The following SYTL5 variants were observed in gnomAD, a reference collection of about 807,000 sequenced individuals.
SYTL5 encodes synaptotagmin like 5, also known as synaptotagmin-like protein 5.
Under a neutral mutation model 55.9 loss-of-function variants are expected in SYTL5, and 34 were observed. The observed-to-expected ratio is 0.61, with a 90% confidence interval of 0.46 to 0.81. The LOEUF is 0.81. Among genes scored for constraint, SYTL5 ranks in the 30% least tolerant of loss-of-function variants. The pLI, the probability that SYTL5 is intolerant of heterozygous loss-of-function variation, is 0.00. For synonymous variants in SYTL5, 221 were observed against 188.7 expected (o/e 1.17, Z -1.40); for missense variants, 637 against 546.7 (o/e 1.17, Z -1.65).
intron 2 of SYTL5, among the ~76,000 whole-genome samples, chrX:38,039,383 A>G (rs1250219019): frequency 8.9e-6 from 1 of 112,346 alleles, no homozygotes; most frequent in African/African-American, 3.2e-5. Context: ...AAAAATACTG[A>G]CAGTTTCGAA....
chrX:38,084,296 TACGCATCTCTTTA>T (rs1343835147), intron 6 of SYTL5, among the ~76,000 whole-genome samples: 7 of 112,418 alleles, frequency 6.2e-5, no homozygotes, highest in African/African-American at 2.3e-4. Context: ...TACCTCACCC[TACGCATCTCTTTA>T]ACTGTATCTT....
the SYTL5 span, among the ~76,000 whole-genome samples, chrX:37,899,607 T>C: frequency 8.9e-6 from 1 of 111,959 alleles, no homozygotes; most frequent in East Asian, 2.8e-4. Context: ...TATTTGTCCA[T>C]GTCTGAGTTC....
chrX:38,043,666 T>TATATATATATATATATATATAC (rs1935360092), intron 2 of SYTL5, among the ~76,000 whole-genome samples: 1 of 62,525 alleles, frequency 1.6e-5, no homozygotes, highest in Non-Finnish European at 2.7e-5. Context: ...TGTATGTATA[T>TATATATATATATATATATATAC]ATATATATAT....
intron 9 of SYTL5, among the ~76,000 whole-genome samples, chrX:38,097,263 T>C (rs1003256316): frequency 9.1e-6 from 1 of 110,481 alleles, no homozygotes; most frequent in African/African-American, 3.3e-5. Context: ...ATAATTTATA[T>C]CAATATACTA....
At chrX:38,096,014 A>G (rs1936927776) in intron 8 of SYTL5, 120 bp from the exon 9 acceptor site, 3 of 374,911 alleles carry the variant, frequency 8.0e-6, no homozygotes, top group Non-Finnish European at 1.4e-5. Flanking sequence ...CTTTCATGGC[A>G]CTATTTATGA....
the SYTL5 span, among the ~76,000 whole-genome samples, chrX:37,903,143 G>A: frequency 1.6e-4 from 18 of 111,045 alleles, no homozygotes; most frequent in Admixed American, 1.2e-3. Flanking sequence ...TCAGTGTGGC[G>A]ATTCCTCAGG....
chrX:37,918,375 A>G, the SYTL5 span, among the ~76,000 whole-genome samples: 16 of 111,848 alleles, frequency 1.4e-4, no homozygotes, highest in Non-Finnish European at 1.1e-4. Flanking sequence ...CCAAGTCATG[A>G]AAGTTACCCA....
rs1935151630 is a variant in SYTL5, at chrX:38,037,807, TAG to T, written c.119+3801_119+3802del. ...TTTTTCTGATAGATAGATAGATAGATAGATAGATAGATAGATAGATAGATAGA... is the reference window on the plus strand; with the variant it reads ...TTTTTCTGATAGATAGATAGATAGATATAGATAGATAGATAGATAGATAGA... On this transcript the variant is annotated intron_variant, in intron 2 of 16. Coordinates refer to ENST00000297875, the MANE Select transcript of SYTL5 (RefSeq NM_138780.3). Among the ~76,000 whole-genome samples the T allele has an allele frequency of 2.7e-5, 3 of 109,595 alleles. No homozygotes were observed. The Admixed American group carries it at 2.9e-4, about 11-fold the overall frequency.
chrX:37,904,354 A>C, the SYTL5 span, among the ~76,000 whole-genome samples: 2 of 106,472 alleles, frequency 1.9e-5, no homozygotes, highest in Admixed American at 2.0e-4. Context: ...TTGGGAGAGA[A>C]TGCAGAGTGG....
At chrX:37,892,120 G>A in the SYTL5 span, among the ~76,000 whole-genome samples, 4 of 110,989 alleles carry the variant, frequency 3.6e-5, no homozygotes, top group Non-Finnish European at 7.6e-5. Flanking sequence ...TGAATAAATA[G>A]GTCAACTACT....
At chrX:38,049,011 G>A (rs988536404) in intron 2 of SYTL5, among the ~76,000 whole-genome samples, 26 of 111,874 alleles carry the variant, frequency 2.3e-4, no homozygotes, top group Admixed American at 1.3e-3. Flanking sequence ...ATACCACAGT[G>A]TTGATGGCAT....
chrX:38,089,615 T>C (rs763415776), intron 7 of SYTL5, 28 bp downstream of exon 7: 5 of 1,182,014 alleles, frequency 4.2e-6, no homozygotes, highest in Middle Eastern at 2.8e-4. Flanking sequence ...ATGAACACCG[T>C]ATTAGTTCAT....
At position 38,126,925 on chromosome X, in the gene SYTL5, A is replaced by G. The variant is rs912679628; in HGVS notation, c.*195A>G. ...CCTAAAAAACATATATTTCCATCCA[A>G]TCAAGGCCTTCTTGATTGGATGATA... On this transcript the variant is annotated 3_prime_UTR_variant, in exon 17 of 17. Coordinates refer to ENST00000297875, the MANE Select transcript of SYTL5 (RefSeq NM_138780.3). 1.7e-5 allele frequency: 7 copies of G among 404,952 alleles called. No homozygotes were observed. The highest frequency in any genetic ancestry group is 1.5e-4 in the African/African-American group (6 of 39,929). 33.4% of individuals were successfully genotyped at this position (404,952 alleles called of 1,213,427 possible). A position where few individuals can be genotyped will look rare whatever the true frequency, so the allele number is the denominator to read the frequency against.
chrX:38,053,244 G>C (rs1482240617), intron 2 of SYTL5, among the ~76,000 whole-genome samples: 1 of 112,397 alleles, frequency 8.9e-6, no homozygotes, highest in Non-Finnish European at 1.9e-5. Flanking sequence ...ACCACACTTG[G>C]AACAGCAATT....
At chrX:37,960,889 G>A in the SYTL5 span, among the ~76,000 whole-genome samples, 498 of 108,581 alleles carry the variant, frequency 4.6e-3, 2 homozygotes, top group Non-Finnish European at 8.1e-3. Flanking sequence ...TCCACCTCCC[G>A]GGTTCACGCC....
the SYTL5 span, among the ~76,000 whole-genome samples, chrX:37,890,248 CAAGAT>C: frequency 9.0e-6 from 1 of 111,193 alleles, no homozygotes; most frequent in Non-Finnish European, 1.9e-5. Context: ...TACCAGGAGA[CAAGAT>C]AAAGGTAATC....
At chrX:38,063,272 G>A (rs1307605885) in intron 3 of SYTL5, among the ~76,000 whole-genome samples, 1 of 111,332 alleles carries the variant, frequency 9.0e-6, no homozygotes, top group African/African-American at 3.3e-5. Context: ...TATTGGAGTA[G>A]TCCTACATTT....
At chrX:38,055,971 C>A (rs7065434) in intron 3 of SYTL5, among the ~76,000 whole-genome samples, 27,316 of 110,594 alleles carry the variant, frequency 0.25, 2,841 homozygotes, top group African/African-American at 0.33. Flanking sequence ...AAACAATCCA[C>A]CTATACTCTT....
chrX:37,984,411 A>G, the SYTL5 span, among the ~76,000 whole-genome samples: 1 of 111,965 alleles, frequency 8.9e-6, no homozygotes, highest in Non-Finnish European at 1.9e-5. Context: ...AGAAAGGCAT[A>G]AACTACTGAA....
Sources: gnomAD v4.1 joint callset for allele counts (sites outside exome capture counted in the v4.1 genomes callset) on GRCh38, gnomAD v4.1.1 for gene constraint, MANE v1.5 for transcripts, NCBI Gene and HGNC (gene_info 2026-07-23, HGNC 2026-07-21) for gene names.